USP34: variants seen among roughly 807,000 people sequenced by gnomAD.
USP34 encodes the protein ubiquitin specific peptidase 34.
In USP34, 70 loss-of-function variants were observed where a neutral mutation model predicts 460.3. That is an observed-to-expected ratio of 0.15 (90% confidence interval 0.13 to 0.19). The LOEUF (loss-of-function observed/expected upper bound fraction) is 0.19. Ranked by LOEUF, USP34 falls within the 10% of genes least tolerant of loss-of-function variation. USP34 has a pLI of 1.00. For synonymous variants in USP34, 1,647 were observed against 1,405.3 expected (o/e 1.17, Z -3.85); for missense variants, 3,985 against 4,236.2 (o/e 0.94, Z 1.65).
intron 5 of USP34, among the ~76,000 whole-genome samples, chr2:61,390,091 C>A (rs965301186): frequency 6.6e-6 from 1 of 152,170 alleles, no homozygotes; most frequent in Non-Finnish European, 1.5e-5. Context: ...TCAGAAATTG[C>A]TATTGTGTTC....
chr2:61,338,089 A>G (rs1359247288), intron 18 of USP34, among the ~76,000 whole-genome samples: 1 of 152,224 alleles, frequency 6.6e-6, no homozygotes, highest in Non-Finnish European at 1.5e-5. Context: ...TGAGAAGCCA[A>G]GGCAGGAGGA....
intron 29 of USP34, among the ~76,000 whole-genome samples, chr2:61,300,295 A>C (rs1690180233): frequency 6.7e-6 from 1 of 149,804 alleles, no homozygotes; most frequent in African/African-American, 2.5e-5. Context: ...CTCCCATTCT[A>C]CTCTCCCATC....
intron 27 of USP34, among the ~76,000 whole-genome samples, chr2:61,306,480 G>A (rs1333588005): frequency 6.6e-6 from 1 of 152,200 alleles, no homozygotes; most frequent in Non-Finnish European, 1.5e-5. Context: ...TAGCCTTGTA[G>A]TATAGTTTGA....
At position 61,470,972 on chromosome 2, in the gene USP34, G is replaced by T. The variant is rs1165046947; in HGVS notation, c.-280C>A. ...GCGGGGAAGGGGGGGAAGGACGGGGGGAGGGGAGAGGGGGGGAGGGGGCGG... is the reference window on the plus strand; with the variant it reads ...GCGGGGAAGGGGGGGAAGGACGGGGTGAGGGGAGAGGGGGGGAGGGGGCGG... On this transcript the variant is annotated 5_prime_UTR_variant, in exon 1 of 80. Coordinates refer to ENST00000398571, the MANE Select transcript of USP34 (RefSeq NM_014709.4). Among the ~76,000 whole-genome samples, 9 of 138,794 alleles carry T rather than the reference G, an allele frequency of 6.5e-5. No homozygotes were observed. The highest frequency in any genetic ancestry group is 2.3e-4 in the African/African-American group (9 of 38,690). The allele number at this position is 138,794 out of a possible 152,430, so 91.1% of individuals were successfully genotyped here.
At chr2:61,325,908 A>G (rs1691072600) in intron 20 of USP34, among the ~76,000 whole-genome samples, 1 of 152,270 alleles carries the variant, frequency 6.6e-6, no homozygotes, top group Admixed American at 6.5e-5. Context: ...CATGAAAAGT[A>G]GAGCTGATAC....
At chr2:61,462,483 A>G (rs1209182485) in intron 1 of USP34, among the ~76,000 whole-genome samples, 1 of 149,670 alleles carries the variant, frequency 6.7e-6, no homozygotes, top group Non-Finnish European at 1.5e-5. Flanking sequence ...CAGGAAGAGG[A>G]GGTTGAAGTG....
chr2:61,274,373 G>C (rs969744594), intron 41 of USP34, among the ~76,000 whole-genome samples: 6 of 150,224 alleles, frequency 4.0e-5, no homozygotes, highest in Admixed American at 2.7e-4. Flanking sequence ...CTAGGCAACA[G>C]AGCAAGACTC....
At chr2:61,236,457 T>G in intron 53 of USP34, 68 bp from the exon 54 acceptor site, 1 of 1,214,114 alleles carries the variant, frequency 8.2e-7, no homozygotes, top group Non-Finnish European at 1.1e-6. Context: ...AATATTTTTA[T>G]TAGACAAAAA....
intron 48 of USP34, among the ~76,000 whole-genome samples, chr2:61,254,122 C>T (rs1181761517): frequency 3.3e-5 from 5 of 152,242 alleles, no homozygotes; most frequent in Non-Finnish European, 7.3e-5. Context: ...TGACAAAACA[C>T]ATCACTAAAC....
chr2:61,296,144 G>A (rs1690022000), intron 30 of USP34, among the ~76,000 whole-genome samples: 1 of 152,042 alleles, frequency 6.6e-6, no homozygotes, highest in Non-Finnish European at 1.5e-5. Flanking sequence ...TATGGTCTCA[G>A]CTACTGGGGA....
chr2:61,443,815 A>G (rs1230827919), intron 1 of USP34, among the ~76,000 whole-genome samples: 2 of 152,204 alleles, frequency 1.3e-5, no homozygotes, highest in Non-Finnish European at 2.9e-5. Context: ...TTTGAGTCAT[A>G]ATGATATGTT....
At chr2:61,209,019 G>C (rs751339950) in intron 69 of USP34, 42 bp from the exon 70 acceptor site, 23 of 1,273,142 alleles carry the variant, frequency 1.8e-5, no homozygotes, top group Admixed American at 4.3e-5. Context: ...GTCTGAATAA[G>C]AACACAACAC....
rs531516081 is a variant in USP34, at chr2:61,358,538, A to G, written c.1252-7845T>C. Reference sequence around the variant, plus strand: ...GCAATATCATACTCAATGATGAATAACATATTTCCCCCTAAGATCAGAACA... The same window carrying G: ...GCAATATCATACTCAATGATGAATAGCATATTTCCCCCTAAGATCAGAACA... On this transcript the variant is annotated intron_variant, in intron 10 of 79. Transcript: ENST00000398571. Among the ~76,000 whole-genome samples, 3 of 152,300 alleles carry G rather than the reference A, an allele frequency of 2.0e-5. No individual in the cohort carries two copies. In the East Asian group the frequency reaches 5.8e-4, roughly 29 times the overall value.
rs1253889647 is a variant in USP34 at position 61,470,870 on chromosome 2, C to T, written c.-178G>A. ...GCAAGAGAATGGGGGAGGGGGCCGG[C>T]GGTCCCCGCAGCGGGAGGGGGAGAG... is the stretch of plus-strand genomic sequence containing the variant. On this transcript the variant is annotated 5_prime_UTR_variant, in exon 1 of 80. Coordinates refer to ENST00000398571, the MANE Select transcript of USP34 (RefSeq NM_014709.4). 7.6e-5 allele frequency: 15 copies of T among 196,468 alleles called. No homozygotes were observed. Among genetic ancestry groups the T allele is most frequent in the Middle Eastern group, 2.3e-3 (1 of 444 alleles). 12.2% of individuals were successfully genotyped at this position (196,468 alleles called of 1,614,324 possible).
chr2:61,330,702 T>TA (rs1031632772), intron 20 of USP34, among the ~76,000 whole-genome samples: 5 of 152,138 alleles, frequency 3.3e-5, no homozygotes, highest in Non-Finnish European at 5.9e-5. Context: ...TGCATCTCCT[T>TA]AAAGAAGCTT....
rs764181791 is a variant in USP34 at position 61,266,151 on chromosome 2, A to C, written c.5450T>G (p.Ile1817Ser). ...SREGQEFLRD[I>S]FNLLFLLPSL... The stretch of plus-strand genomic sequence containing the variant: ...TGGCAACAAAAACAGGAGATTGAAG[A>C]TATCTCTCAAAAATTCCTGGGGAGT... The change falls in exon 42 of 80, where the codon ATC (isoleucine) becomes AGC (serine). Residue 1817 changes from isoleucine to serine, a missense_variant. Around this residue, in one of 14 missense-constraint regions of USP34, gnomAD observed 1,114 missense variants for 1,122.5 expected, o/e 0.99. Transcript: ENST00000398571. 6.2e-7 allele frequency: 1 copy of C among 1,609,824 alleles called. No individual in the cohort carries two copies. Among genetic ancestry groups the C allele is most frequent in the Admixed American group, 1.7e-5 (1 of 59,692 alleles).
rs377210115 is a variant in USP34, at chr2:61,348,073, A to G, written c.2082T>C (p.Ala694=). The G allele has an allele frequency of 1.2e-6, 2 of 1,614,226 alleles. No individual in the cohort carries two copies. Among genetic ancestry groups the G allele is most frequent in the Admixed American group, 1.7e-5 (1 of 60,032 alleles). The change falls in exon 15 of 80, where the codon GCT becomes GCC. Residue 694 remains alanine, a synonymous_variant. Transcript: ENST00000398571. ...GTTCTGGGTCTTCAGAGTGTGAACA[A>G]GCATCCAGCATTCGCATTCGATTAT... ...SVDNRMRMLD[A]CSHSEDPEHD...
At chr2:61,422,739 C>T (rs956848604) in intron 1 of USP34, among the ~76,000 whole-genome samples, 2 of 152,176 alleles carry the variant, frequency 1.3e-5, no homozygotes, top group African/African-American at 2.4e-5. Context: ...AACTAACAGC[C>T]GGTAATCCCA....
intron 58 of USP34, 84 bp downstream of exon 58, chr2:61,232,368 A>G (rs1572855624): frequency 8.9e-7 from 1 of 1,127,200 alleles, no homozygotes; most frequent in Non-Finnish European, 1.3e-6. Context: ...TTAGGTTAAG[A>G]CACACTTATA....
Sources: gnomAD v4.1 joint callset for allele counts (sites outside exome capture counted in the v4.1 genomes callset) on GRCh38, gnomAD v4.1.1 for gene constraint, gnomAD v4.1.1 regional missense constraint, MANE v1.5 for transcripts, NCBI Gene and HGNC (gene_info 2026-07-23, HGNC 2026-07-21) for gene names.